Variants in VPS13C observed in about 807,000 individuals in gnomAD.
VPS13C encodes vacuolar protein sorting 13 homolog C.
A neutral mutation model predicts 456.8 loss-of-function variants in VPS13C; 358 were observed. That is an observed-to-expected ratio of 0.78 (90% CI 0.72 to 0.86). VPS13C has a LOEUF of 0.86. Among genes scored for constraint, VPS13C ranks in the 40% least tolerant of loss-of-function variants. The probability of loss-of-function intolerance (pLI) is 0.00; values close to 1 mark genes in which losing one functional copy is unlikely to be tolerated. For missense variants in VPS13C, 4,818 were observed against 4,385.4 expected (o/e 1.10, Z -2.79); for synonymous variants, 1,578 against 1,486.7 (o/e 1.06, Z -1.41).
chr15:61,930,366 C>T (rs1414067958), intron 50 of VPS13C, among the ~76,000 whole-genome samples: 1 of 152,116 alleles, frequency 6.6e-6, no homozygotes. Flanking sequence ...ACAAAATTTG[C>T]AAACTAGAAA....
intron 50 of VPS13C, 21 bp from the exon 51 acceptor site, chr15:61,929,769 C>A: frequency 6.3e-7 from 1 of 1,593,280 alleles, no homozygotes; most frequent in South Asian, 1.1e-5. Flanking sequence ...ACATGCTATT[C>A]ATTATTTTAT....
chr15:62,037,250 TA>T lies in VPS13C; in HGVS notation c.188-2199del, dbSNP rs1250634395. On this transcript the variant is annotated intron_variant, in intron 3 of 84. Coordinates refer to ENST00000644861, the MANE Select transcript of VPS13C (RefSeq NM_020821.3). ...ATATTATATATAAATATATATAATA[TA>T]TTTATATATATTATATTATATAATA... 3.2e-4 allele frequency among the ~76,000 whole-genome samples: 8 copies of T among 24,676 alleles called. 1 individual carries two copies. In the South Asian group the frequency reaches 5.3e-3, roughly 16 times the overall value. The allele number at this position is 24,676 out of a possible 152,430, so 16.2% of individuals were successfully genotyped here. A position where few individuals can be genotyped will look rare whatever the true frequency, so the allele number is the denominator to read the frequency against.
At position 61,917,647 on chromosome 15, in the gene VPS13C, G is replaced by A; in HGVS notation, c.7761-12C>T. On this transcript the variant is annotated splice_polypyrimidine_tract_variant and intron_variant, in intron 59 of 84. Transcript: ENST00000644861. Reference sequence around the variant, plus strand: ...TAAACAATTGACATCTGCAGAAAGAGGAAACAGTGACAATAAAGTTTTGAT... The same window carrying A: ...TAAACAATTGACATCTGCAGAAAGAAGAAACAGTGACAATAAAGTTTTGAT... 6.2e-7 allele frequency: 1 copy of A among 1,601,968 alleles called. No individual in the cohort carries two copies. Among genetic ancestry groups the A allele is most frequent in the Non-Finnish European group, 8.5e-7 (1 of 1,171,952 alleles).
chr15:61,863,490 G>GT lies in VPS13C; in HGVS notation c.10901dup (p.Tyr3634Ter). Residue 3634 changes from tyrosine to a stop codon, truncating the protein, a stop_gained and frameshift_variant, in exon 82 of 85, where the codon TAC becomes TAAC. Coordinates refer to ENST00000644861, the MANE Select transcript of VPS13C (RefSeq NM_020821.3). LOFTEE classifies it high-confidence loss of function. ...TCTTGCTTCCAGGAATAGCACAGTG[G>GT]TATCGGTAAGTCTCTCCTTCCAACT... ...IKKLEGETYR[Y>*]HCAIPGSKKT... 1 of 1,612,844 alleles carries GT rather than the reference G, an allele frequency of 6.2e-7. No homozygotes were observed. The highest frequency in any genetic ancestry group is 1.1e-5 in the South Asian group (1 of 90,972).
intron 23 of VPS13C, among the ~76,000 whole-genome samples, 153 bp from the exon 24 acceptor site, chr15:61,977,352 C>T (rs1314334250): frequency 1.3e-5 from 2 of 151,988 alleles, no homozygotes; most frequent in African/African-American, 2.4e-5. Flanking sequence ...TACCAATTTT[C>T]ACTTCTTTCA....
Position 61,982,533 on chromosome 15 carries a change from T to C in VPS13C, c.1955A>G (p.Lys652Arg), listed in dbSNP as rs1337140202. The change falls in exon 21 of 85, where the codon AAG (lysine) becomes AGG (arginine). Residue 652 changes from lysine (K) to arginine (R), a missense_variant. Lys to Arg is a conservative substitution (Grantham distance 26). Transcript: ENST00000644861. ...TGTTATTTGCTCAAGATCCAATCCC[T>C]TATTTGATTGAAAGAATTCAACCAC... ...NAVVEFFQSNKGLDLEQITSA... is the reference protein window; with the variant it reads ...NAVVEFFQSNRGLDLEQITSA... The C allele has an allele frequency of 2.4e-5, 38 of 1,609,610 alleles. No homozygotes were observed. The highest frequency in any genetic ancestry group is 3.2e-5 in the Non-Finnish European group (38 of 1,178,744).
At chr15:61,919,978 T>C (rs953808312) in intron 57 of VPS13C, 89 bp downstream of exon 57, 122 of 1,282,050 alleles carry the variant, frequency 9.5e-5, no homozygotes, top group Non-Finnish European at 1.2e-4. Flanking sequence ...TCCAGATATC[T>C]GCAGCAAAAT....
chr15:61,935,993 C>A (rs2044214986), intron 48 of VPS13C, among the ~76,000 whole-genome samples: 3 of 152,074 alleles, frequency 2.0e-5, no homozygotes, highest in Admixed American at 2.0e-4. Context: ...ATATTCACAT[C>A]AATGGCTTTA....
intron 38 of VPS13C, among the ~76,000 whole-genome samples, chr15:61,953,442 A>C (rs893955618): frequency 2.3e-5 from 3 of 129,224 alleles, no homozygotes; most frequent in Non-Finnish European, 4.6e-5. Flanking sequence ...TCCTGTGTCC[A>C]TGTGTCCTCA....
Position 61,969,307 on chromosome 15 carries a change from T to C in VPS13C, c.2903A>G (p.Glu968Gly), listed in dbSNP as rs1225315484. Residue 968 changes from glutamate to glycine, a missense_variant, in exon 28 of 85, where the codon GAA (glutamate) becomes GGA (glycine). By Grantham distance (98) the Glu-to-Gly change is moderately conservative (BLOSUM62 -2). Around this residue, in one of 3 missense-constraint regions of VPS13C, gnomAD observed 4,552 missense variants for 4,130.6 expected, o/e 1.10. Coordinates refer to ENST00000644861, the MANE Select transcript of VPS13C (RefSeq NM_020821.3). ...YLKKISLDYH[E>G]IEGSKRKPLH... Reference sequence around the variant, plus strand: ...ATTTTTATGGGTATTACCTTCAATTTCATGATAATCCAAGCTGATTTTCTT... The same window carrying C: ...ATTTTTATGGGTATTACCTTCAATTCCATGATAATCCAAGCTGATTTTCTT... 6.9e-6 allele frequency: 11 copies of C among 1,594,384 alleles called. No homozygotes were observed. The highest frequency in any genetic ancestry group is 8.5e-6 in the Non-Finnish European group (10 of 1,172,006).
chr15:62,005,541 T>G (rs2046803099), intron 15 of VPS13C, among the ~76,000 whole-genome samples: 1 of 151,336 alleles, frequency 6.6e-6, no homozygotes, highest in African/African-American at 2.5e-5. Context: ...TTGTTATGTG[T>G]GAATTTGATC....
chr15:61,967,104 G>A (rs1403926431), intron 29 of VPS13C, among the ~76,000 whole-genome samples: 3 of 151,846 alleles, frequency 2.0e-5, no homozygotes, highest in Non-Finnish European at 2.9e-5. Flanking sequence ...ACAGGTATGT[G>A]GGTATGCCCT....
Position 62,007,597 on chromosome 15 carries a change from C to G in VPS13C, c.1119-118G>C, listed in dbSNP as rs1233858093. The G allele has an allele frequency of 5.0e-6, 4 of 807,482 alleles. No homozygotes were observed. The East Asian group carries it at 1.2e-4, about 24-fold the overall frequency. The allele number at this position is 807,482 out of a possible 1,614,324, so 50.0% of individuals were successfully genotyped here. A position where few individuals can be genotyped will look rare whatever the true frequency, so the allele number is the denominator to read the frequency against. ...TTTTTTGTTCTTCTTAACTGTCTTC[C>G]TATAAGAGCTCAGCAATTCCCAGTA... On this transcript the variant is annotated intron_variant, in intron 14 of 84. Coordinates refer to ENST00000644861, the MANE Select transcript of VPS13C (RefSeq NM_020821.3).
intron 9 of VPS13C, among the ~76,000 whole-genome samples, chr15:62,015,474 T>G (rs550302266): frequency 2.0e-5 from 3 of 151,766 alleles, no homozygotes; most frequent in Non-Finnish European, 4.4e-5. Context: ...CTTCTAGGGT[T>G]TTTATGGTTT....
rs1470508240 is a variant in VPS13C at position 61,852,612 on chromosome 15, TC to T, written c.*1844del. 6.6e-6 allele frequency: 1 copy of T among 152,140 alleles called. No homozygotes were observed. The highest frequency in any genetic ancestry group is 1.5e-5 in the Non-Finnish European group (1 of 68,012). The allele number at this position is 152,140 out of a possible 1,614,324, so 9.4% of individuals were successfully genotyped here. A position where few individuals can be genotyped will look rare whatever the true frequency, so the allele number is the denominator to read the frequency against. On this transcript the variant is annotated 3_prime_UTR_variant, in exon 85 of 85. Transcript: ENST00000644861. ...GCTGTGATTCATATGAAAAATATAA[TC>T]AGATATCTCAAATTCCTAATTCTGT...
At position 62,035,057 on chromosome 15, in the gene VPS13C, G is replaced by A. The variant is rs745395553; in HGVS notation, c.188-5C>T. 3 of 1,590,610 alleles carry A rather than the reference G, an allele frequency of 1.9e-6. No homozygotes were observed. Among genetic ancestry groups the A allele is most frequent in the South Asian group, 2.3e-5 (2 of 88,176 alleles). ...GAATCTTCAAAGTTAATTTATCTAAGGAAACATAATTTCAACCTTAAATTA... is the reference window on the plus strand; with the variant it reads ...GAATCTTCAAAGTTAATTTATCTAAAGAAACATAATTTCAACCTTAAATTA... On this transcript the variant is annotated splice_region_variant and splice_polypyrimidine_tract_variant and intron_variant, in intron 3 of 84. Coordinates refer to ENST00000644861, the MANE Select transcript of VPS13C (RefSeq NM_020821.3).
In VPS13C at chr15:62,020,464, T is replaced by C. The variant is rs373362232; in HGVS notation, c.684+15A>G. 1 of 1,605,182 alleles carries C rather than the reference T, an allele frequency of 6.2e-7. No homozygotes were observed. The highest frequency in any genetic ancestry group is 1.3e-5 in the African/African-American group (1 of 74,412). The stretch of plus-strand genomic sequence containing the variant: ...TTACAGGTTCCATAGAAGTTTAAAA[T>C]AAAGCAAACATTACCAGTAGACTAA... On this transcript the variant is annotated intron_variant, in intron 9 of 84. Coordinates refer to ENST00000644861, the MANE Select transcript of VPS13C (RefSeq NM_020821.3).
chr15:61,981,190 A>T, intron 22 of VPS13C, 152 bp downstream of exon 22: 2 of 956,832 alleles, frequency 2.1e-6, no homozygotes, highest in Non-Finnish European at 1.4e-6. Flanking sequence ...TAAAACATAT[A>T]TAAAATACTC....
intron 53 of VPS13C, among the ~76,000 whole-genome samples, chr15:61,924,365 T>A (rs992890476): frequency 2.0e-5 from 3 of 152,236 alleles, no homozygotes; most frequent in Non-Finnish European, 4.4e-5. Flanking sequence ...CAACTGCATC[T>A]TGGCCATGCC....
Sources: gnomAD v4.1 joint callset for allele counts (sites outside exome capture counted in the v4.1 genomes callset) on GRCh38, gnomAD v4.1.1 for gene constraint, gnomAD v4.1.1 regional missense constraint, MANE v1.5 for transcripts, NCBI Gene and HGNC (gene_info 2026-07-23, HGNC 2026-07-21) for gene names.